ELAPOR2: variants seen among roughly 807,000 people sequenced by gnomAD.
ELAPOR2 encodes the protein endosome-lysosome associated apoptosis and autophagy regulator family member 2.
ELAPOR2 carries 89 observed loss-of-function variants against 120.7 expected under a neutral mutation model. That is an observed-to-expected ratio of 0.74 (90% CI 0.62 to 0.88). ELAPOR2 has a LOEUF of 0.88. Among genes scored for constraint, ELAPOR2 ranks in the 40% least tolerant of loss-of-function variants. The pLI is 0.00. For missense variants in ELAPOR2, 1,134 were observed against 1,251.6 expected (o/e 0.91, Z 1.42); for synonymous variants, 444 against 444.9 (o/e 1.00, Z 0.03).
Position 86,892,915 on chromosome 7 carries a change from T to A in ELAPOR2, c.2864+7A>T. The A allele has an allele frequency of 3.3e-6, 5 of 1,524,652 alleles. No homozygotes were observed. Among genetic ancestry groups the A allele is most frequent in the Non-Finnish European group, 4.4e-6 (5 of 1,147,732 alleles). The allele number at this position is 1,524,652 out of a possible 1,614,324, so 94.4% of individuals were successfully genotyped here. ...GCTCTCTTGTGATCATCTCAGAGGG[T>A]ACTTACTTTTGATTCTTTTTCCAGA... On this transcript the variant is annotated splice_region_variant and intron_variant, in intron 20 of 21. Coordinates refer to ENST00000450689, the MANE Select transcript of ELAPOR2 (RefSeq NM_001142749.3).
At chr7:86,925,962 C>T (rs1009416267) in intron 9 of ELAPOR2, among the ~76,000 whole-genome samples, 1 of 151,672 alleles carries the variant, frequency 6.6e-6, no homozygotes, top group Non-Finnish European at 1.5e-5. Context: ...ACTTAATTAC[C>T]CTCCATAAAA....
intron 21 of ELAPOR2, chr7:86,891,432 G>A (rs1788155732): frequency 3.6e-6 from 1 of 275,856 alleles, no homozygotes; most frequent in Non-Finnish European, 6.7e-6. Context: ...TGATTTATCA[G>A]TACACATAGC....
At chr7:86,882,151 T>C (rs1040716811) in intron 21 of ELAPOR2, among the ~76,000 whole-genome samples, 1 of 152,200 alleles carries the variant, frequency 6.6e-6, no homozygotes, top group African/African-American at 2.4e-5. Context: ...AGGTCTCATG[T>C]TTAACAGCCT....
chr7:86,953,489 T>C (rs1322216895), intron 2 of ELAPOR2, among the ~76,000 whole-genome samples: 2 of 152,212 alleles, frequency 1.3e-5, no homozygotes, highest in East Asian at 3.8e-4. Context: ...CCACTCTCTA[T>C]GTCAACACTG....
chr7:86,896,541 G>C (rs1165403611), intron 19 of ELAPOR2, among the ~76,000 whole-genome samples: 3 of 152,058 alleles, frequency 2.0e-5, no homozygotes, highest in Non-Finnish European at 4.4e-5. Flanking sequence ...GGGCAGAACT[G>C]CTTCCCCTCT....
At chr7:87,053,257 G>A (rs1363185368) in intron 1 of ELAPOR2, among the ~76,000 whole-genome samples, 1 of 152,130 alleles carries the variant, frequency 6.6e-6, no homozygotes, top group Non-Finnish European at 1.5e-5. Flanking sequence ...TGCTCCCAAA[G>A]AAAAGGATAT....
At chr7:86,903,934 C>T (rs1788842253) in intron 18 of ELAPOR2, among the ~76,000 whole-genome samples, 1 of 152,080 alleles carries the variant, frequency 6.6e-6, no homozygotes, top group African/African-American at 2.4e-5. Flanking sequence ...TTGAGTTATC[C>T]TCTGGGGTAA....
chr7:86,937,316 C>T (rs1314847580), intron 8 of ELAPOR2, among the ~76,000 whole-genome samples: 2 of 151,952 alleles, frequency 1.3e-5, no homozygotes, highest in Non-Finnish European at 2.9e-5. Context: ...TCTAGGGATG[C>T]AAAAACAAGA....
chr7:86,935,148 C>G (rs1041985817), intron 8 of ELAPOR2, among the ~76,000 whole-genome samples: 21 of 151,936 alleles, frequency 1.4e-4, no homozygotes, highest in African/African-American at 5.1e-4. Flanking sequence ...ACTCTGATAC[C>G]AAAAAACTTG....
intron 1 of ELAPOR2, among the ~76,000 whole-genome samples, chr7:86,978,231 C>T (rs1562952526): frequency 6.6e-6 from 1 of 152,130 alleles, no homozygotes; most frequent in Non-Finnish European, 1.5e-5. Flanking sequence ...GAAGAGGTGC[C>T]TTCCGCCGTG....
intron 1 of ELAPOR2, among the ~76,000 whole-genome samples, chr7:87,031,124 AC>A (rs1794412813): frequency 1.3e-5 from 2 of 152,202 alleles, no homozygotes; most frequent in Admixed American, 1.3e-4. Flanking sequence ...TATGGGAGCT[AC>A]AATTCAAGAT....
At chr7:86,914,556 T>TA (rs1243046297) in intron 13 of ELAPOR2, among the ~76,000 whole-genome samples, 167 bp downstream of exon 13, 1 of 152,160 alleles carries the variant, frequency 6.6e-6, no homozygotes, top group Non-Finnish European at 1.5e-5. Context: ...TCTCAAAAAA[T>TA]AAAAAATTAT....
At chr7:86,900,666 G>C (rs1388160803) in intron 18 of ELAPOR2, among the ~76,000 whole-genome samples, 5 of 152,136 alleles carry the variant, frequency 3.3e-5, no homozygotes, top group African/African-American at 1.2e-4. Flanking sequence ...GTTTACCTTA[G>C]AGTCAATTAT....
intron 1 of ELAPOR2, among the ~76,000 whole-genome samples, chr7:87,028,300 A>C (rs1315073796): frequency 1.3e-5 from 2 of 152,040 alleles, no homozygotes; most frequent in African/African-American, 4.8e-5. Context: ...CTAAATAAAA[A>C]CACCTGTTTC....
chr7:86,938,447 A>G, intron 7 of ELAPOR2, among the ~76,000 whole-genome samples: 2 of 152,062 alleles, frequency 1.3e-5, no homozygotes, highest in East Asian at 3.9e-4. Flanking sequence ...TTCCCAGAAG[A>G]TATTAGATTT....
intron 10 of ELAPOR2, among the ~76,000 whole-genome samples, chr7:86,920,144 G>A (rs1465306279): frequency 2.0e-5 from 3 of 152,104 alleles, no homozygotes; most frequent in East Asian, 1.9e-4. Flanking sequence ...CTGACTTGGC[G>A]ATTTTTGAAA....
intron 1 of ELAPOR2, among the ~76,000 whole-genome samples, chr7:86,969,409 C>CAT (rs761451082): frequency 6.6e-6 from 1 of 151,876 alleles, no homozygotes; most frequent in Non-Finnish European, 1.5e-5. Context: ...ACACATTGAC[C>CAT]ATATATATTT....
intron 1 of ELAPOR2, among the ~76,000 whole-genome samples, chr7:86,969,691 G>T (rs116255955): frequency 0.014 from 2,086 of 152,276 alleles, 54 homozygotes; most frequent in African/African-American, 0.048. Context: ...GACATCACAA[G>T]TCAGTGCCCA....
At chr7:86,983,799 T>G (rs1181313150) in intron 1 of ELAPOR2, among the ~76,000 whole-genome samples, 1 of 152,152 alleles carries the variant, frequency 6.6e-6, no homozygotes, top group Admixed American at 6.5e-5. Context: ...AATAACCAGC[T>G]AACATCATAA....
Sources: gnomAD v4.1 joint callset for allele counts (sites outside exome capture counted in the v4.1 genomes callset) on GRCh38, gnomAD v4.1.1 for gene constraint, MANE v1.5 for transcripts, NCBI Gene and HGNC (gene_info 2026-07-23, HGNC 2026-07-21) for gene names.